Variants in CACNA1D observed in about 807,000 individuals in gnomAD.
CACNA1D encodes calcium voltage-gated channel subunit alpha1 D.
A neutral mutation model predicts 257.1 loss-of-function variants in CACNA1D; 55 were observed. That is an observed-to-expected ratio of 0.21 (90% CI 0.17 to 0.27). The LOEUF (loss-of-function observed/expected upper bound fraction) is 0.27, where lower values mean the gene tolerates loss of function less well. Among genes scored for constraint, CACNA1D ranks in the 10% least tolerant of loss-of-function variants. CACNA1D has a pLI of 1.00. For synonymous variants in CACNA1D, 980 were observed against 1,014.9 expected (o/e 0.97, Z 0.65); for missense variants, 1,876 against 2,784.0 (o/e 0.67, Z 7.34).
chr3:53,658,961 C>T (rs1347798068), intron 4 of CACNA1D, among the ~76,000 whole-genome samples: 3 of 152,132 alleles, frequency 2.0e-5, no homozygotes, highest in East Asian at 1.9e-4. Flanking sequence ...TCAGACCACC[C>T]GATGTTTTAT....
chr3:53,552,947 G>A lies in CACNA1D; in HGVS notation c.483+51227G>A, dbSNP rs114265351. 1.7e-3 allele frequency among the ~76,000 whole-genome samples: 253 copies of A among 152,288 alleles called. 2 individuals are homozygous for A. Among genetic ancestry groups the A allele is most frequent in the Middle Eastern group, 6.8e-3 (2 of 294 alleles). On this transcript the variant is annotated intron_variant, in intron 3 of 47. Coordinates refer to ENST00000350061, the MANE Select transcript of CACNA1D (RefSeq NM_001128840.3). ...CTGAGTGCTTAATAAACCCAGGACA[G>A]AATTGAAGGCAGGCTGAGCCTGTAT...
chr3:53,707,231 T>C (rs2094699683), intron 9 of CACNA1D, among the ~76,000 whole-genome samples: 1 of 151,992 alleles, frequency 6.6e-6, no homozygotes, highest in Non-Finnish European at 1.5e-5. Context: ...CCTGGGGAGC[T>C]TGGATGCTTC....
chr3:53,643,328 C>A (rs933610554), intron 3 of CACNA1D, among the ~76,000 whole-genome samples: 2 of 152,252 alleles, frequency 1.3e-5, no homozygotes, highest in East Asian at 3.9e-4. Context: ...TGCCCACCAG[C>A]CTCCTGTGGT....
intron 4 of CACNA1D, among the ~76,000 whole-genome samples, chr3:53,651,607 T>G (rs2094097751): frequency 6.6e-6 from 1 of 152,204 alleles, no homozygotes; most frequent in Admixed American, 6.5e-5. Flanking sequence ...ATTTTAGTCC[T>G]TCCACACCTG....
At chr3:53,737,522 C>G (rs1298685929) in intron 20 of CACNA1D, among the ~76,000 whole-genome samples, 1 of 152,080 alleles carries the variant, frequency 6.6e-6, no homozygotes, top group East Asian at 1.9e-4. Flanking sequence ...ACTGACTGTA[C>G]TAAGAAAACA....
At chr3:53,497,751 C>A (rs2090414432) in intron 2 of CACNA1D, among the ~76,000 whole-genome samples, 1 of 152,054 alleles carries the variant, frequency 6.6e-6, no homozygotes, top group Non-Finnish European at 1.5e-5. Context: ...GTGAAACCAA[C>A]CTTTGGTTAT....
rs751443663 is a variant in CACNA1D, at chr3:53,751,722, C to T, written c.3517-27C>T. 59 of 1,613,744 alleles carry T rather than the reference C, an allele frequency of 3.7e-5. No homozygotes were observed. Among genetic ancestry groups the T allele is most frequent in the Middle Eastern group, 1.7e-4 (1 of 6,048 alleles). ...CCTTCCCTGCAAGTGCTCAGAACCC[C>T]GTTTCTGCCCTTTTCTGCTGTTGCA... is the stretch of plus-strand genomic sequence containing the variant. On this transcript the variant is annotated intron_variant, in intron 27 of 47. Coordinates refer to ENST00000350061, the MANE Select transcript of CACNA1D (RefSeq NM_001128840.3). This position sits in a 1 kb window ranked among gnomAD's most constrained non-coding sequence, Gnocchi z 4.3.
At chr3:53,662,129 A>G (rs974516238) in intron 5 of CACNA1D, among the ~76,000 whole-genome samples, 2 of 152,194 alleles carry the variant, frequency 1.3e-5, no homozygotes, top group African/African-American at 4.8e-5. Context: ...GACTGTTTAC[A>G]CTTATCTTGG....
At chr3:53,644,010 G>A (rs2108226685) in intron 3 of CACNA1D, among the ~76,000 whole-genome samples, 1 of 152,306 alleles carries the variant, frequency 6.6e-6, no homozygotes, top group African/African-American at 2.4e-5. Flanking sequence ...TTAGTGGGAA[G>A]GGACATTTAA....
chr3:53,701,201 G>T (rs977426808), intron 8 of CACNA1D, among the ~76,000 whole-genome samples: 1 of 152,188 alleles, frequency 6.6e-6, no homozygotes, highest in Non-Finnish European at 1.5e-5. Flanking sequence ...GAATGCAGTG[G>T]CATGAACTTG....
At chr3:53,799,508 G>T (rs946897281) in intron 40 of CACNA1D, among the ~76,000 whole-genome samples, 3 of 152,210 alleles carry the variant, frequency 2.0e-5, no homozygotes, top group Non-Finnish European at 4.4e-5. Context: ...GGTGTCTTCT[G>T]GTGGGTCTTG....
intron 3 of CACNA1D, among the ~76,000 whole-genome samples, chr3:53,572,271 C>A (rs1216184648): frequency 6.6e-6 from 1 of 152,170 alleles, no homozygotes; most frequent in Admixed American, 6.5e-5. Context: ...GGTGCTGACC[C>A]CACAAGTTGA....
At chr3:53,714,929 A>G (rs965233677) in intron 9 of CACNA1D, among the ~76,000 whole-genome samples, 5 of 150,470 alleles carry the variant, frequency 3.3e-5, no homozygotes, top group African/African-American at 1.0e-4. Context: ...ATTTTTTAAC[A>G]TTAAAAAAAT....
chr3:53,671,745 T>C (rs919434192), intron 7 of CACNA1D, among the ~76,000 whole-genome samples: 15 of 152,240 alleles, frequency 9.9e-5, no homozygotes, highest in African/African-American at 3.4e-4. Flanking sequence ...TTTTTTTTAA[T>C]GTTCACTTTC....
In CACNA1D at chr3:53,538,141, G is replaced by GTTTTTTTT. The variant is rs538996336; in HGVS notation, c.483+36440_483+36447dup. Among the ~76,000 whole-genome samples, 50 of 90,468 alleles carry GTTTTTTTT rather than the reference G, an allele frequency of 5.5e-4. 5 individuals are homozygous for GTTTTTTTT. The highest frequency in any genetic ancestry group is 2.9e-3 in the African/African-American group (49 of 16,674). The allele number at this position is 90,468 out of a possible 152,430, so 59.4% of individuals were successfully genotyped here. A position where few individuals can be genotyped will look rare whatever the true frequency, so the allele number is the denominator to read the frequency against. On this transcript the variant is annotated intron_variant, in intron 3 of 47. Transcript: ENST00000350061. ...TTCTCCATATTTACCAGTTTTTGAA[G>GTTTTTTTT]TTTTTTTTTTTTTTTTTTTTTTTTT...
intron 14 of CACNA1D, 29 bp from the exon 15 acceptor site, chr3:53,726,850 T>G: frequency 6.2e-7 from 1 of 1,614,164 alleles, no homozygotes; most frequent in Non-Finnish European, 8.5e-7. Flanking sequence ...TGAATCCACC[T>G]GCTGGCTGAT....
intron 3 of CACNA1D, among the ~76,000 whole-genome samples, chr3:53,592,757 G>A (rs2093322502): frequency 6.6e-6 from 1 of 151,802 alleles, no homozygotes; most frequent in Non-Finnish European, 1.5e-5. Flanking sequence ...AGGCTGGAGT[G>A]CAATGGCACA....
At chr3:53,684,450 C>A (rs1349321013) in intron 8 of CACNA1D, among the ~76,000 whole-genome samples, 1 of 151,896 alleles carries the variant, frequency 6.6e-6, no homozygotes, top group Non-Finnish European at 1.5e-5. Context: ...GGAGAAACCC[C>A]GTCTCTACTA....
chr3:53,734,208 G>T (rs893697864), intron 19 of CACNA1D, among the ~76,000 whole-genome samples: 2 of 150,866 alleles, frequency 1.3e-5, no homozygotes, highest in African/African-American at 4.9e-5. Flanking sequence ...TGAAGTGAGG[G>T]GTCGCCTTAC....
Sources: allele counts gnomAD v4.1 joint callset (sites outside exome capture counted in the v4.1 genomes callset), GRCh38; gene constraint gnomAD v4.1.1; non-coding constraint Gnocchi (gnomAD v3.1); transcripts MANE v1.5; gene names NCBI Gene and HGNC (gene_info 2026-07-23, HGNC 2026-07-21).